RGS8: variants seen among roughly 807,000 people sequenced by gnomAD.
RGS8 encodes regulator of G protein signaling 8.
RGS8 carries 8 observed loss-of-function variants against 21.7 expected under a neutral mutation model. That is an observed-to-expected ratio of 0.37 (90% confidence interval 0.22 to 0.66). RGS8 has a LOEUF of 0.66. Among genes scored for constraint, RGS8 ranks in the 30% least tolerant of loss-of-function variants. The pLI is 0.59. For missense variants in RGS8, 157 were observed against 217.9 expected, an observed-to-expected ratio of 0.72 and a Z score of 1.76; for synonymous variants, 80 against 83.6, an observed-to-expected ratio of 0.96 and a Z score of 0.24.
chr1:182,650,823 C>T (rs1324363877), intron 5 of RGS8, among the ~76,000 whole-genome samples: 1 of 152,176 alleles, frequency 6.6e-6, no homozygotes, highest in Non-Finnish European at 1.5e-5. Context: ...AGAGTGAAGG[C>T]TGCATTACTG....
chr1:182,724,201 G>GAGATAT, the RGS8 span, among the ~76,000 whole-genome samples: 2 of 42,080 alleles, frequency 4.8e-5, no homozygotes, highest in South Asian at 8.5e-4. Flanking sequence ...GGCTAGACTG[G>GAGATAT]ATATATATAT....
the RGS8 span, among the ~76,000 whole-genome samples, chr1:182,739,507 T>C: frequency 1.1e-4 from 17 of 152,244 alleles, no homozygotes; most frequent in South Asian, 2.1e-4. Context: ...TTATGAAGAA[T>C]TGGGGTTTCT....
chr1:182,740,544 GTTTGTTTTT>G, the RGS8 span, among the ~76,000 whole-genome samples: 2 of 103,322 alleles, frequency 1.9e-5, no homozygotes, highest in Non-Finnish European at 3.9e-5. Context: ...TTTTTTGTTT[GTTTGTTTTT>G]TTTTTTTTTT....
chr1:182,691,057 A>G, the RGS8 span, among the ~76,000 whole-genome samples: 1 of 152,242 alleles, frequency 6.6e-6, no homozygotes, highest in South Asian at 2.1e-4. Context: ...CATGTGAGTG[A>G]GTTCATATTA....
the RGS8 span, among the ~76,000 whole-genome samples, chr1:182,707,241 A>G: frequency 4.6e-5 from 7 of 152,204 alleles, no homozygotes; most frequent in Non-Finnish European, 1.0e-4. Flanking sequence ...CTACTGTAAT[A>G]GTAGCCTAAT....
chr1:182,722,593 A>T, the RGS8 span, among the ~76,000 whole-genome samples: 11 of 151,990 alleles, frequency 7.2e-5, no homozygotes, highest in Admixed American at 3.9e-4. Flanking sequence ...CCTCGGGGTT[A>T]CTTGGCTTGC....
chr1:182,741,050 G>T, the RGS8 span, among the ~76,000 whole-genome samples: 1 of 150,840 alleles, frequency 6.6e-6, no homozygotes, highest in African/African-American at 2.4e-5. Context: ...ATCATGGCCC[G>T]TTCTCAATGA....
the RGS8 span, among the ~76,000 whole-genome samples, chr1:182,740,548 G>GTTTTTTTT: frequency 1.7e-3 from 131 of 75,918 alleles, no homozygotes; most frequent in South Asian, 3.1e-3. Flanking sequence ...TTGTTTGTTT[G>GTTTTTTTT]TTTTTTTTTT....
At chr1:182,705,950 T>C in the RGS8 span, among the ~76,000 whole-genome samples, 1 of 152,178 alleles carries the variant, frequency 6.6e-6, no homozygotes, top group African/African-American at 2.4e-5. Context: ...CCACTATCCC[T>C]GAGAAATGTT....
Position 182,653,500 on chromosome 1 carries a change from C to A in RGS8, c.194-5197G>T, listed in dbSNP as rs1571314860. On this transcript the variant is annotated intron_variant, in intron 5 of 6. Transcript: ENST00000483095. ...TATGAGGTCAGGAGTTCGAGACCAG[C>A]CTGACCAACATGGTGAAACCCCATC... 3.3e-5 allele frequency among the ~76,000 whole-genome samples: 5 copies of A among 151,892 alleles called. No homozygotes were observed. The South Asian group carries it at 1.0e-3, about 32-fold the overall frequency.
chr1:182,703,320 A>C, the RGS8 span, among the ~76,000 whole-genome samples: 4 of 152,196 alleles, frequency 2.6e-5, no homozygotes, highest in Non-Finnish European at 5.9e-5. Context: ...TGTTATCTCA[A>C]GAGGAGATTA....
chr1:182,686,508 T>A (rs1664712214), upstream of RGS8, among the ~76,000 whole-genome samples: 2 of 152,128 alleles, frequency 1.3e-5, no homozygotes, highest in African/African-American at 2.4e-5. Context: ...CGAGATCCTC[T>A]GTGAAGGATA....
At chr1:182,713,606 C>T in the RGS8 span, among the ~76,000 whole-genome samples, 1 of 152,202 alleles carries the variant, frequency 6.6e-6, no homozygotes, top group Non-Finnish European at 1.5e-5. Context: ...CCTGATGACA[C>T]AAGGGCCTTA....
chr1:182,645,646 G>C (rs953063798), downstream of RGS8: 1 of 152,218 alleles, frequency 6.6e-6, no homozygotes, highest in African/African-American at 2.4e-5. Context: ...GTATCCAAGA[G>C]AGAGATCTTT....
exon 7 of RGS8, chr1:182,646,717 G>T: frequency 6.3e-7 from 1 of 1,598,346 alleles, no homozygotes; most frequent in East Asian, 2.2e-5. Flanking sequence ...GTGATTTCCA[G>T]GAGTTCCCTT....
chr1:182,722,278 T>C, the RGS8 span, among the ~76,000 whole-genome samples: 1 of 147,770 alleles, frequency 6.8e-6, no homozygotes, highest in Admixed American at 6.8e-5. Flanking sequence ...AAAAGAGTAA[T>C]TTGGTCACCT....
chr1:182,695,235 C>T, the RGS8 span, among the ~76,000 whole-genome samples: 1 of 152,166 alleles, frequency 6.6e-6, no homozygotes, highest in South Asian at 2.1e-4. Flanking sequence ...TTCATATTGA[C>T]TCTGGAAACC....
chr1:182,742,102 G>T, the RGS8 span, among the ~76,000 whole-genome samples: 4 of 148,278 alleles, frequency 2.7e-5, no homozygotes, highest in Admixed American at 2.0e-4. Flanking sequence ...TCCCAGACAG[G>T]GCGGCGGGGC....
the RGS8 span, among the ~76,000 whole-genome samples, chr1:182,729,309 C>T: frequency 6.6e-6 from 1 of 152,226 alleles, no homozygotes; most frequent in Non-Finnish European, 1.5e-5. Flanking sequence ...GCGTCTTCCA[C>T]ATTCCTAGAA....
Sources: gnomAD v4.1 joint callset for allele counts (sites outside exome capture counted in the v4.1 genomes callset) on GRCh38, gnomAD v4.1.1 for gene constraint, MANE v1.5 for transcripts, NCBI Gene and HGNC (gene_info 2026-07-23, HGNC 2026-07-21) for gene names.